The following IL1RAPL2 variants were observed in gnomAD, a reference collection of about 807,000 sequenced individuals.
IL1RAPL2 encodes X-linked interleukin-1 receptor accessory protein-like 2.
In IL1RAPL2, 3 loss-of-function variants were observed where a neutral mutation model predicts 44.1. That is an observed-to-expected ratio of 0.07 (90% CI 0.03 to 0.18). IL1RAPL2 has a LOEUF of 0.18. Ranked by LOEUF, IL1RAPL2 falls within the 10% of genes least tolerant of loss-of-function variation. The pLI, the probability that IL1RAPL2 is intolerant of heterozygous loss-of-function variation, is 1.00. For missense variants in IL1RAPL2, 391 were observed against 496.4 expected (o/e 0.79, Z 2.02); for synonymous variants, 181 against 178.8 (o/e 1.01, Z -0.10).
At chrX:105,387,633 A>G (rs973237869) in intron 5 of IL1RAPL2, among the ~76,000 whole-genome samples, 8 of 111,735 alleles carry the variant, frequency 7.2e-5, no homozygotes, top group Non-Finnish European at 1.3e-4. Flanking sequence ...TTTCTTTACT[A>G]TGAAACATAT....
chrX:104,865,893 C>T (rs1922601890), intron 2 of IL1RAPL2, among the ~76,000 whole-genome samples: 1 of 112,278 alleles, frequency 8.9e-6, no homozygotes, highest in Non-Finnish European at 1.9e-5. Flanking sequence ...TTGCAGATGG[C>T]CTATTGTGGG....
intron 5 of IL1RAPL2, among the ~76,000 whole-genome samples, chrX:105,283,650 A>C (rs1316403872): frequency 9.0e-6 from 1 of 111,183 alleles, no homozygotes; most frequent in Non-Finnish European, 1.9e-5. Context: ...GTGAGGGGTT[A>C]CAAAAGTTCT....
chrX:104,851,907 C>G (rs1030254271), intron 2 of IL1RAPL2, among the ~76,000 whole-genome samples: 2 of 111,387 alleles, frequency 1.8e-5, no homozygotes, highest in Non-Finnish European at 1.9e-5. Flanking sequence ...TTAATCCAGT[C>G]TTTTGAGAAT....
chrX:105,502,829 A>G lies in IL1RAPL2; in HGVS notation c.772+18442A>G, dbSNP rs1257121030. On this transcript the variant is annotated intron_variant, in intron 6 of 10. Coordinates refer to ENST00000372582, the MANE Select transcript of IL1RAPL2 (RefSeq NM_017416.2). ...GACAAGTTTTAGGTCCTATCCACCT[A>G]CACAAACCACTTTGACCAAAATCAG... is the stretch of plus-strand genomic sequence containing the variant. Among the ~76,000 whole-genome samples the G allele has an allele frequency of 4.5e-5, 5 of 110,614 alleles. No homozygotes were observed. In the Admixed American group the frequency reaches 4.8e-4, roughly 11 times the overall value.
chrX:105,058,480 A>G, intron 2 of IL1RAPL2, among the ~76,000 whole-genome samples: 1 of 112,406 alleles, frequency 8.9e-6, no homozygotes, highest in East Asian at 2.8e-4. Context: ...ATTTTAGCCA[A>G]GAAGAAACAA....
rs757257692 is a variant in IL1RAPL2 at position 105,609,549 on chromosome X, A to G, written c.773-107818A>G. Among the ~76,000 whole-genome samples, 5 of 111,992 alleles carry G rather than the reference A, an allele frequency of 4.5e-5. No individual in the cohort carries two copies. In the East Asian group the frequency reaches 8.4e-4, roughly 19 times the overall value. On this transcript the variant is annotated intron_variant, in intron 6 of 10. Coordinates refer to ENST00000372582, the MANE Select transcript of IL1RAPL2 (RefSeq NM_017416.2). Reference sequence around the variant, plus strand: ...GTTAAGTTTTAGTTTTTCCTTTTTAAGTGCATGGAACCTGAGTATGGCGAA... The same window carrying G: ...GTTAAGTTTTAGTTTTTCCTTTTTAGGTGCATGGAACCTGAGTATGGCGAA...
At chrX:104,838,211 C>G (rs1292964674) in intron 2 of IL1RAPL2, among the ~76,000 whole-genome samples, 3 of 111,824 alleles carry the variant, frequency 2.7e-5, no homozygotes, top group Non-Finnish European at 5.6e-5. Context: ...GCTATACAAG[C>G]TCTTTTTTTG....
chrX:105,642,109 A>G (rs2037573546), intron 6 of IL1RAPL2, among the ~76,000 whole-genome samples: 1 of 109,439 alleles, frequency 9.1e-6, no homozygotes, highest in Non-Finnish European at 1.9e-5. Context: ...AATAGCCCCC[A>G]ATGGTCTGGA....
chrX:105,034,694 C>A (rs1408589003), intron 2 of IL1RAPL2, among the ~76,000 whole-genome samples: 3 of 112,247 alleles, frequency 2.7e-5, no homozygotes, highest in Non-Finnish European at 5.6e-5. Context: ...GGTCAGGGAC[C>A]CACTTGAGGA....
intron 6 of IL1RAPL2, among the ~76,000 whole-genome samples, chrX:105,684,071 T>C (rs1281182365): frequency 1.8e-5 from 2 of 112,181 alleles, no homozygotes; most frequent in Non-Finnish European, 3.8e-5. Context: ...CATTCCAAGA[T>C]GGCCGAATAG....
chrX:105,468,511 G>C (rs1406070424), intron 5 of IL1RAPL2, among the ~76,000 whole-genome samples: 1 of 112,112 alleles, frequency 8.9e-6, no homozygotes, highest in Non-Finnish European at 1.9e-5. Context: ...CTCAAGTTTG[G>C]TTGAATGCCC....
intron 3 of IL1RAPL2, among the ~76,000 whole-genome samples, chrX:105,198,774 A>G (rs991792404): frequency 2.7e-5 from 3 of 111,492 alleles, no homozygotes; most frequent in African/African-American, 9.8e-5. Context: ...TGTACTGGTC[A>G]GATAGTTTGT....
In IL1RAPL2 at chrX:105,431,198, T is replaced by C. The variant is rs751781896; in HGVS notation, c.698-53115T>C. Among the ~76,000 whole-genome samples the C allele has an allele frequency of 3.6e-5, 4 of 112,200 alleles. No individual in the cohort carries two copies. The South Asian group carries it at 1.5e-3, about 41-fold the overall frequency. On this transcript the variant is annotated intron_variant, in intron 5 of 10. Transcript: ENST00000372582. Reference sequence around the variant, plus strand: ...AGTGTTTTACTGTTGGCAGGATTGGTTATGAAGGATTTGACCTGAAACTCA... The same window carrying C: ...AGTGTTTTACTGTTGGCAGGATTGGCTATGAAGGATTTGACCTGAAACTCA...
chrX:105,297,093 A>G (rs1569419984), intron 5 of IL1RAPL2, among the ~76,000 whole-genome samples: 1 of 112,307 alleles, frequency 8.9e-6, no homozygotes, highest in Non-Finnish European at 1.9e-5. Flanking sequence ...GGTCTCTCTG[A>G]AGAGGTGACA....
intron 2 of IL1RAPL2, among the ~76,000 whole-genome samples, chrX:104,910,317 C>T (rs1304642438): frequency 8.9e-6 from 1 of 112,261 alleles, no homozygotes; most frequent in African/African-American, 3.2e-5. Flanking sequence ...CTGTCTTCTG[C>T]GTTGCTCGTG....
Position 105,693,035 on chromosome X carries a change from T to G in IL1RAPL2, c.773-24332T>G, listed in dbSNP as rs774999977. ...TCCTGGGCCTCATCCAGAAGTCTGATCATTTGTGCTAGCTCTTTCCTGGTC... is the reference window on the plus strand; with the variant it reads ...TCCTGGGCCTCATCCAGAAGTCTGAGCATTTGTGCTAGCTCTTTCCTGGTC... On this transcript the variant is annotated intron_variant, in intron 6 of 10. Transcript: ENST00000372582. Among the ~76,000 whole-genome samples, 3 of 111,657 alleles carry G rather than the reference T, an allele frequency of 2.7e-5. No individual in the cohort carries two copies. In the South Asian group the frequency reaches 1.1e-3, roughly 43 times the overall value.
At chrX:105,319,470 C>T (rs778645537) in intron 5 of IL1RAPL2, among the ~76,000 whole-genome samples, 4 of 111,357 alleles carry the variant, frequency 3.6e-5, no homozygotes, top group Non-Finnish European at 3.8e-5. Flanking sequence ...GAATTATTGG[C>T]GTTGACATGG....
intron 2 of IL1RAPL2, among the ~76,000 whole-genome samples, chrX:104,898,965 T>C (rs1331050838): frequency 8.9e-6 from 1 of 112,353 alleles, no homozygotes; most frequent in Non-Finnish European, 1.9e-5. Context: ...CAAATATTTT[T>C]TTTCCCTCCA....
intron 2 of IL1RAPL2, among the ~76,000 whole-genome samples, chrX:104,888,320 CAGAGAGAG>C (rs575416287): frequency 9.6e-5 from 9 of 93,897 alleles, no homozygotes; most frequent in African/African-American, 3.5e-4. Context: ...AAGAGGGAGT[CAGAGAGAG>C]AGAGAGAGAG....
Sources: allele counts gnomAD v4.1 joint callset (sites outside exome capture counted in the v4.1 genomes callset), GRCh38; gene constraint gnomAD v4.1.1; transcripts MANE v1.5; gene names NCBI Gene and HGNC (gene_info 2026-07-23, HGNC 2026-07-21).